Variants in DNMT3A observed in about 807,000 individuals in gnomAD.
DNMT3A encodes DNA methyltransferase 3 alpha, also known as DNA (cytosine-5)-methyltransferase 3A.
Under a neutral mutation model 117.6 loss-of-function variants are expected in DNMT3A, and 267 were observed. That is an observed-to-expected ratio of 2.27 (90% CI 2.05 to 2.51). DNMT3A has a LOEUF of 2.51. DNMT3A is among the 30% of genes most tolerant of loss of function. The probability of loss-of-function intolerance (pLI) is 0.00; values close to 1 mark genes in which losing one functional copy is unlikely to be tolerated. For synonymous variants in DNMT3A, 432 were observed against 474.8 expected, an observed-to-expected ratio of 0.91 and a Z score of 1.17; for missense variants, 1,029 against 1,260.2, an observed-to-expected ratio of 0.82 and a Z score of 2.78.
In DNMT3A at chr2:25,232,760, T is replaced by TAAAG; in HGVS notation, c.*1515_*1518dup. On this transcript the variant is annotated 3_prime_UTR_variant, in exon 23 of 23. Coordinates refer to ENST00000321117, the MANE Select transcript of DNMT3A (RefSeq NM_022552.5). This position sits in a 1 kb window ranked among gnomAD's most constrained non-coding sequence, Gnocchi z 4.1. ...GAAGGGTGTTGGGTTTTTGTTTTCT[T>TAAAG]AAAGAAAATCTTAAAACAAACATAA... 5.3e-6 allele frequency: 1 copy of TAAAG among 188,098 alleles called. No homozygotes were observed. Among genetic ancestry groups the TAAAG allele is most frequent in the East Asian group, 8.6e-5 (1 of 11,634 alleles). 11.7% of individuals were successfully genotyped at this position (188,098 alleles called of 1,614,324 possible).
Position 25,314,180 on chromosome 2 carries a change from G to C in DNMT3A, c.-177-19C>G. ...GCTCCACCTGTGGGGGAGAGAAGAG[G>C]ATCAGTGGGGCGGAGCACCCCACCC... On this transcript the variant is annotated intron_variant, in intron 1 of 22. Coordinates refer to ENST00000321117, the MANE Select transcript of DNMT3A (RefSeq NM_022552.5). 4.2e-6 allele frequency: 6 copies of C among 1,417,580 alleles called. No individual in the cohort carries two copies. Among genetic ancestry groups the C allele is most frequent in the Non-Finnish European group, 4.6e-6 (5 of 1,089,530 alleles). 87.8% of individuals were successfully genotyped at this position (1,417,580 alleles called of 1,614,324 possible). A position where few individuals can be genotyped will look rare whatever the true frequency, so the allele number is the denominator to read the frequency against.
rs1672848034 is a variant in DNMT3A, at chr2:25,230,975, A to G, written c.*3304T>C. ...CCCCAGGCTTGCCATGCCCTTGGCTACCAAGTCTCTTCCCAAGTCCCAACA... is the reference window on the plus strand; with the variant it reads ...CCCCAGGCTTGCCATGCCCTTGGCTGCCAAGTCTCTTCCCAAGTCCCAACA... On this transcript the variant is annotated 3_prime_UTR_variant, in exon 23 of 23. Transcript: ENST00000321117. The G allele has an allele frequency of 6.6e-6, 1 of 152,274 alleles. No homozygotes were observed. Among genetic ancestry groups the G allele is most frequent in the South Asian group, 2.1e-4 (1 of 4,828 alleles). The allele number at this position is 152,274 out of a possible 1,614,324, so 9.4% of individuals were successfully genotyped here.
intron 6 of DNMT3A, among the ~76,000 whole-genome samples, chr2:25,272,616 C>T (rs2031012445): frequency 6.6e-6 from 1 of 152,110 alleles, no homozygotes; most frequent in Non-Finnish European, 1.5e-5. Flanking sequence ...GAGAGAAGAG[C>T]CCCATTCCTG....
intron 6 of DNMT3A, among the ~76,000 whole-genome samples, chr2:25,273,011 G>A (rs528497434): frequency 1.7e-3 from 173 of 103,710 alleles, no homozygotes; most frequent in Non-Finnish European, 2.8e-3. Context: ...TTTTGCTCTT[G>A]TTGTCCAGGC....
In DNMT3A at chr2:25,293,411, T is replaced by C. The variant is rs149813170; in HGVS notation, c.177+6728A>G. Among the ~76,000 whole-genome samples the C allele has an allele frequency of 5.3e-5, 8 of 152,268 alleles. No homozygotes were observed. The East Asian group carries it at 1.4e-3, about 26-fold the overall frequency. On this transcript the variant is annotated intron_variant, in intron 3 of 22. Transcript: ENST00000321117. The surrounding 1 kb of genome is among the most constrained non-coding windows in gnomAD (Gnocchi z 4.7). ...ATCCGCCTCCTCACAACCTTCCAGA[T>C]AACACATTTTTCAGAGAGGATAAAG... is the stretch of plus-strand genomic sequence containing the variant.
chr2:25,277,476 C>T (rs2149370385), intron 4 of DNMT3A, among the ~76,000 whole-genome samples: 1 of 152,252 alleles, frequency 6.6e-6, no homozygotes, highest in South Asian at 2.1e-4. Flanking sequence ...CGCGGCGGGG[C>T]TCCGGGGCTC....
At chr2:25,301,863 C>A (rs2033538471) in intron 2 of DNMT3A, among the ~76,000 whole-genome samples, 1 of 152,176 alleles carries the variant, frequency 6.6e-6, no homozygotes, top group South Asian at 2.1e-4. Flanking sequence ...CTCCTGGAGA[C>A]CTGAGTAAGA....
chr2:25,286,963 G>A lies in DNMT3A; in HGVS notation c.178-4252C>T, dbSNP rs1023747137. On this transcript the variant is annotated intron_variant, in intron 3 of 22. Transcript: ENST00000321117. This position sits in a 1 kb window ranked among gnomAD's most constrained non-coding sequence, Gnocchi z 4.3. ...GATCTGGAGGGCAGAGACTTTGCTC[G>A]ATCCGGCTAGACTTAGCAGGGAGTG... Among the ~76,000 whole-genome samples, 2 of 152,226 alleles carry A rather than the reference G, an allele frequency of 1.3e-5. No homozygotes were observed. Among genetic ancestry groups the A allele is most frequent in the Admixed American group, 6.5e-5 (1 of 15,288 alleles).
At position 25,234,814 on chromosome 2, in the gene DNMT3A, A is replaced by G. The variant is rs565687797; in HGVS notation, c.2598-394T>C. 6.6e-6 allele frequency among the ~76,000 whole-genome samples: 1 copy of G among 152,324 alleles called. No individual in the cohort carries two copies. The highest frequency in any genetic ancestry group is 6.5e-5 in the Admixed American group (1 of 15,304). Reference sequence around the variant, plus strand: ...TCGGCAACGTACACCTGGAGTCTGCATGTAACGAACACGTAGCCCTAGCAT... The same window carrying G: ...TCGGCAACGTACACCTGGAGTCTGCGTGTAACGAACACGTAGCCCTAGCAT... On this transcript the variant is annotated intron_variant, in intron 22 of 22. Transcript: ENST00000321117. This position sits in a 1 kb window ranked among gnomAD's most constrained non-coding sequence, Gnocchi z 4.5.
intron 16 of DNMT3A, 101 bp downstream of exon 16, chr2:25,243,797 G>A (rs1674361749): frequency 8.0e-7 from 1 of 1,255,220 alleles, no homozygotes; most frequent in South Asian, 1.3e-5. Context: ...TTTAACAGCT[G>A]TGAAGCTAAC....
chr2:25,289,166 G>C (rs1290201587), intron 3 of DNMT3A, among the ~76,000 whole-genome samples: 3 of 150,816 alleles, frequency 2.0e-5, no homozygotes, highest in South Asian at 2.1e-4. Flanking sequence ...GCAGTGGCGC[G>C]ATCTCGGCTC....
At chr2:25,309,915 TG>T (rs1375404349) in intron 2 of DNMT3A, among the ~76,000 whole-genome samples, 1 of 150,958 alleles carries the variant, frequency 6.6e-6, no homozygotes, top group Non-Finnish European at 1.5e-5. Flanking sequence ...AAAAATTAGC[TG>T]GGCATGGCGG....
chr2:25,341,542 G>A (rs2035453850), intron 1 of DNMT3A, among the ~76,000 whole-genome samples: 1 of 146,764 alleles, frequency 6.8e-6, no homozygotes, highest in East Asian at 2.0e-4. Context: ...CCGGGCGGGG[G>A]CGGGGAGGGG....
intron 16 of DNMT3A, 39 bp from the exon 17 acceptor site, chr2:25,241,746 T>C: frequency 6.2e-7 from 1 of 1,606,874 alleles, no homozygotes; most frequent in Non-Finnish European, 8.5e-7. Flanking sequence ...CTTGGAGCCA[T>C]CTCCCTGGCA....
Position 25,234,427 on chromosome 2 carries a change from G to A in DNMT3A, c.2598-7C>T, listed in dbSNP as rs756540099. The A allele has an allele frequency of 5.0e-6, 8 of 1,611,412 alleles. No individual in the cohort carries two copies. Among genetic ancestry groups the A allele is most frequent in the Admixed American group, 3.3e-5 (2 of 59,778 alleles). ...GACTGGGAAACCAAATACCCTGGGG[G>A]AGAAAAGGCAGAGAGGGCAGGGTGA... On this transcript the variant is annotated splice_polypyrimidine_tract_variant and splice_region_variant and intron_variant, in intron 22 of 22. Transcript: ENST00000321117. This position sits in a 1 kb window ranked among gnomAD's most constrained non-coding sequence, Gnocchi z 4.5.
Position 25,310,024 on chromosome 2 carries a change from C to G in DNMT3A, c.72+3889G>C, listed in dbSNP as rs1419042183. On this transcript the variant is annotated intron_variant, in intron 2 of 22. Coordinates refer to ENST00000321117, the MANE Select transcript of DNMT3A (RefSeq NM_022552.5). Reference sequence around the variant, plus strand: ...TGAAACAAGATCACGCCACTGCACTCCAGCCTGGGCAACAGAGCAAGACTC... The same window carrying G: ...TGAAACAAGATCACGCCACTGCACTGCAGCCTGGGCAACAGAGCAAGACTC... Among the ~76,000 whole-genome samples the G allele has an allele frequency of 2.0e-5, 3 of 152,296 alleles. No individual in the cohort carries two copies. The East Asian group carries it at 5.8e-4, about 29-fold the overall frequency.
At chr2:25,318,698 C>CT (rs375722790) in intron 1 of DNMT3A, among the ~76,000 whole-genome samples, 7,763 of 132,220 alleles carry the variant, frequency 0.059, 317 homozygotes, top group African/African-American at 0.092. Flanking sequence ...TTTTTCTTTT[C>CT]TTTTTTTTTT....
rs1399971587 is a variant in DNMT3A, at chr2:25,327,743, G to C, written c.-177-13582C>G. Among the ~76,000 whole-genome samples, 1 of 152,180 alleles carries C rather than the reference G, an allele frequency of 6.6e-6. No individual in the cohort carries two copies. The highest frequency in any genetic ancestry group is 1.5e-5 in the Non-Finnish European group (1 of 68,040). On this transcript the variant is annotated intron_variant, in intron 1 of 22. Transcript: ENST00000321117. This position sits in a 1 kb window ranked among gnomAD's most constrained non-coding sequence, Gnocchi z 4.1. ...CTATTTATTTTCATCCCAACTGGAT[G>C]ACTTGCAGTCCCTAAAATCCTACTC...
chr2:25,313,572 G>A (rs942648370), intron 2 of DNMT3A, among the ~76,000 whole-genome samples: 4 of 152,200 alleles, frequency 2.6e-5, no homozygotes, highest in South Asian at 2.1e-4. Context: ...GAAGGCCCAC[G>A]GCTAGTAAGA....
Sources: gnomAD v4.1 joint callset for allele counts (sites outside exome capture counted in the v4.1 genomes callset) on GRCh38, gnomAD v4.1.1 for gene constraint, Gnocchi (gnomAD v3.1) non-coding constraint, MANE v1.5 for transcripts, NCBI Gene and HGNC (gene_info 2026-07-23, HGNC 2026-07-21) for gene names.